The following AK8 variants were observed in gnomAD, a reference collection of about 807,000 sequenced individuals.
AK8 encodes adenylate kinase 8, also known as ATP-AMP transphosphorylase 8.
AK8 carries 44 observed loss-of-function variants against 54.6 expected under a neutral mutation model. The observed-to-expected ratio is 0.81, with a 90% CI of 0.63 to 1.04. The LOEUF (loss-of-function observed/expected upper bound fraction) is 1.04, where lower values mean the gene tolerates loss of function less well. Ranked by LOEUF, AK8 falls within the 50% of genes least tolerant of loss-of-function variation. The pLI is 0.00. For missense variants in AK8, 555 were observed against 613.6 expected (o/e 0.90, Z 1.01); for synonymous variants, 239 against 245.6 (o/e 0.97, Z 0.25).
intron 7 of AK8, 136 bp from the exon 8 acceptor site, chr9:132,827,190 A>C: frequency 1.3e-6 from 1 of 780,224 alleles, no homozygotes; most frequent in South Asian, 1.6e-5. Context: ...ACGGCAGGAC[A>C]CCGTTGCTCA....
Position 132,863,748 on chromosome 9 carries a change from T to G in AK8, c.250A>C (p.Ser84Arg). Residue 84 changes from serine (S) to arginine (R), a missense_variant, in exon 4 of 13, where the codon AGT (serine) becomes CGT (arginine). Ser to Arg is a moderately radical substitution (Grantham distance 110). Coordinates refer to ENST00000298545, the MANE Select transcript of AK8 (RefSeq NM_152572.3). Reference protein sequence around the residue: ...AMWLCKHLNSSLLTLENLILN... With the variant: ...AMWLCKHLNSRLLTLENLILN... ...ATCAGGTTCTCCAGGGTGAGGAGAC[T>G]GCTGTTCAGATGTTTGCAGAGCCAC... 6.2e-7 allele frequency: 1 copy of G among 1,614,130 alleles called. No homozygotes were observed. Among genetic ancestry groups the G allele is most frequent in the Non-Finnish European group, 8.5e-7 (1 of 1,179,982 alleles).
chr9:132,855,703 T>A (rs1265303312), intron 4 of AK8, among the ~76,000 whole-genome samples: 1 of 152,258 alleles, frequency 6.6e-6, no homozygotes, highest in Non-Finnish European at 1.5e-5. Flanking sequence ...GCAGCAATCA[T>A]GACGGCTAGC....
intron 11 of AK8, among the ~76,000 whole-genome samples, chr9:132,752,674 G>T (rs1837991094): frequency 7.1e-6 from 1 of 139,864 alleles, no homozygotes; most frequent in African/African-American, 3.0e-5. Context: ...AGCTCTCCTG[G>T]AATGGGCCTG....
At chr9:132,769,276 C>T (rs533886197) in intron 11 of AK8, 1 of 152,476 alleles carries the variant, frequency 6.6e-6, no homozygotes, top group African/African-American at 2.4e-5. Context: ...TCCGGGCCCC[C>T]CAGTTTTTTC....
At chr9:132,841,301 G>A (rs1452310700) in intron 5 of AK8, among the ~76,000 whole-genome samples, 2 of 152,286 alleles carry the variant, frequency 1.3e-5, no homozygotes, top group East Asian at 3.9e-4. Context: ...GCCACGTGTG[G>A]AGCCCATAAG....
Position 132,872,696 on chromosome 9 carries a change from C to T in AK8, c.169+2419G>A, listed in dbSNP as rs547762350. Among the ~76,000 whole-genome samples, 9 of 151,444 alleles carry T rather than the reference C, an allele frequency of 5.9e-5. No homozygotes were observed. The East Asian group carries it at 1.4e-3, about 23-fold the overall frequency. Reference sequence around the variant, plus strand: ...TTGCCCAGGCTGGAGTGCAGTGGTGCGATCTCAGCTCACTGCAACCTCCAC... The same window carrying T: ...TTGCCCAGGCTGGAGTGCAGTGGTGTGATCTCAGCTCACTGCAACCTCCAC... On this transcript the variant is annotated intron_variant, in intron 2 of 12. Coordinates refer to ENST00000298545, the MANE Select transcript of AK8 (RefSeq NM_152572.3).
At chr9:132,785,084 G>A (rs998211080) in intron 11 of AK8, among the ~76,000 whole-genome samples, 2 of 151,704 alleles carry the variant, frequency 1.3e-5, no homozygotes, top group African/African-American at 4.8e-5. Context: ...GGGATGAGGA[G>A]GCAGTACATG....
intron 5 of AK8, among the ~76,000 whole-genome samples, chr9:132,849,629 G>T (rs116445986): frequency 0.023 from 3,555 of 152,212 alleles, 156 homozygotes; most frequent in African/African-American, 0.081. Context: ...GTTGCAGCCC[G>T]GCCGGCAGGG....
chr9:132,785,957 T>A (rs1839686798), intron 11 of AK8, among the ~76,000 whole-genome samples: 1 of 152,148 alleles, frequency 6.6e-6, no homozygotes, highest in African/African-American at 2.4e-5. Flanking sequence ...AGAAAAACGA[T>A]AGGAAAGGCA....
At chr9:132,750,415 G>A (rs1334490234) in intron 11 of AK8, among the ~76,000 whole-genome samples, 4 of 151,842 alleles carry the variant, frequency 2.6e-5, no homozygotes, top group East Asian at 1.9e-4. Flanking sequence ...CACCGCGCCC[G>A]GCTCCTCTTC....
chr9:132,749,653 G>A (rs527906269), intron 11 of AK8, among the ~76,000 whole-genome samples: 5 of 151,702 alleles, frequency 3.3e-5, no homozygotes, highest in Admixed American at 1.3e-4. Flanking sequence ...ACTGGGCTGT[G>A]TTGCTGTTTC....
intron 3 of AK8, among the ~76,000 whole-genome samples, chr9:132,864,777 GT>G: frequency 6.6e-6 from 1 of 152,310 alleles, no homozygotes; most frequent in South Asian, 2.1e-4. Context: ...AGGTCTCTGC[GT>G]TCTGAATCTG....
intron 11 of AK8, among the ~76,000 whole-genome samples, chr9:132,783,196 G>A (rs1397888121): frequency 5.3e-5 from 8 of 152,146 alleles, no homozygotes; most frequent in African/African-American, 1.9e-4. Flanking sequence ...AGGGAGACAT[G>A]AGTACAGAGG....
intron 10 of AK8, among the ~76,000 whole-genome samples, chr9:132,805,775 A>G (rs938915908): frequency 4.6e-5 from 7 of 151,994 alleles, no homozygotes; most frequent in African/African-American, 1.7e-4. Flanking sequence ...CTGCTTGGCT[A>G]TCTTGGCCAC....
chr9:132,811,036 C>T (rs1007065977), intron 10 of AK8, among the ~76,000 whole-genome samples: 5 of 152,188 alleles, frequency 3.3e-5, no homozygotes, highest in African/African-American at 7.2e-5. Flanking sequence ...ATAAAACACA[C>T]GTGACCAATT....
intron 11 of AK8, among the ~76,000 whole-genome samples, chr9:132,756,809 C>T (rs193111009): frequency 1.3e-5 from 2 of 152,162 alleles, no homozygotes; most frequent in African/African-American, 4.8e-5. Flanking sequence ...GAATTCCGCA[C>T]CCCCATAAAA....
chr9:132,848,969 C>T (rs144754178), intron 5 of AK8, among the ~76,000 whole-genome samples: 395 of 141,832 alleles, frequency 2.8e-3, no homozygotes, highest in African/African-American at 9.6e-3. Context: ...AGTGCAGTGG[C>T]GTGATCTCGG....
intron 11 of AK8, among the ~76,000 whole-genome samples, chr9:132,744,900 C>T (rs1837564813): frequency 6.6e-6 from 1 of 152,164 alleles, no homozygotes; most frequent in Non-Finnish European, 1.5e-5. Context: ...GCTCGGTTTA[C>T]CCGCTGGCTT....
Position 132,734,261 on chromosome 9 carries a change from G to A in AK8, c.1122-6727C>T, listed in dbSNP as rs190408326. The stretch of plus-strand genomic sequence containing the variant: ...GTGAGGGGCTGGGAGACCTGCATTC[G>A]TAAGTCAGAAGCTCGGGTGATGTTC... On this transcript the variant is annotated intron_variant, in intron 11 of 12. Transcript: ENST00000298545. Among the ~76,000 whole-genome samples the A allele has an allele frequency of 8.2e-4, 125 of 152,298 alleles. 1 individual carries two copies. The highest frequency in any genetic ancestry group is 2.9e-3 in the African/African-American group (119 of 41,558).
Sources: gnomAD v4.1 joint callset for allele counts (sites outside exome capture counted in the v4.1 genomes callset) on GRCh38, gnomAD v4.1.1 for gene constraint, MANE v1.5 for transcripts, NCBI Gene and HGNC (gene_info 2026-07-23, HGNC 2026-07-21) for gene names.